IDH1: variants seen among roughly 807,000 people sequenced by gnomAD.
The protein encoded by IDH1 is isocitrate dehydrogenase (NADP(+)) 1.
A neutral mutation model predicts 46.1 loss-of-function variants in IDH1; 33 were observed. That is an observed-to-expected ratio of 0.72 (90% CI 0.54 to 0.96). The LOEUF (loss-of-function observed/expected upper bound fraction) is 0.96, where lower values mean the gene tolerates loss of function less well. Among genes scored for constraint, IDH1 ranks in the 40% least tolerant of loss-of-function variants. The pLI, the probability that IDH1 is intolerant of heterozygous loss-of-function variation, is 0.00. For missense variants in IDH1, 421 were observed against 515.7 expected, an observed-to-expected ratio of 0.82 and a Z score of 1.78; for synonymous variants, 144 against 172.8, an observed-to-expected ratio of 0.83 and a Z score of 1.31.
chr2:208,240,846 G>C (rs1687905008), intron 7 of IDH1, among the ~76,000 whole-genome samples: 1 of 152,160 alleles, frequency 6.6e-6, no homozygotes. Context: ...TGAGGATGTA[G>C]AGAAACAGAA....
intron 7 of IDH1, 41 bp downstream of exon 7, chr2:208,241,953 G>T: frequency 6.2e-7 from 1 of 1,605,796 alleles, no homozygotes; most frequent in South Asian, 1.1e-5. Flanking sequence ...GAACTACCCT[G>T]GAATGACCCT....
At chr2:208,254,286 T>G (rs1223252186) in intron 1 of IDH1, 1 of 152,936 alleles carries the variant, frequency 6.5e-6, no homozygotes, top group East Asian at 1.9e-4. Flanking sequence ...GATCGGTACC[T>G]CCTTCCAGGT....
intron 9 of IDH1, 104 bp downstream of exon 9, chr2:208,238,967 G>A: frequency 9.5e-7 from 1 of 1,053,328 alleles, no homozygotes. Context: ...TCCTGAACTA[G>A]ATGATGAATA....
chr2:208,245,261 ATAT>A lies in IDH1; in HGVS notation c.520+55_520+57del, dbSNP rs1296093126. ...ATAACTAACAAAAAAAGCAATAAAA[ATAT>A]TATCTAAATCATTTGTTTAAAAAAA... is the stretch of plus-strand genomic sequence containing the variant. On this transcript the variant is annotated intron_variant, in intron 5 of 9. Coordinates refer to ENST00000345146, the MANE Select transcript of IDH1 (RefSeq NM_005896.4). The A allele has an allele frequency of 1.2e-5, 11 of 895,130 alleles. No individual in the cohort carries two copies. The East Asian group carries it at 2.7e-4, about 22-fold the overall frequency. The allele number at this position is 895,130 out of a possible 1,614,324, so 55.4% of individuals were successfully genotyped here.
chr2:208,253,277 G>A (rs989734330), intron 2 of IDH1, among the ~76,000 whole-genome samples: 15 of 152,174 alleles, frequency 9.9e-5, no homozygotes, highest in Admixed American at 9.2e-4. Flanking sequence ...TACTTCAGAC[G>A]CTTCAGGTTT....
intron 2 of IDH1, among the ~76,000 whole-genome samples, chr2:208,253,449 C>T (rs1688158743): frequency 6.6e-6 from 1 of 152,216 alleles, no homozygotes; most frequent in African/African-American, 2.4e-5. Context: ...TTTGTTGCCC[C>T]TCAGATTTTG....
chr2:208,245,542 A>ACAT, intron 4 of IDH1, 118 bp from the exon 5 acceptor site: 1 of 390,392 alleles, frequency 2.6e-6, no homozygotes, highest in Non-Finnish European at 4.5e-6. Flanking sequence ...AGTATGTCAA[A>ACAT]CTTCTTTTTT....
chr2:208,245,543 C>CTTTTTT, intron 4 of IDH1, 119 bp from the exon 5 acceptor site: 2 of 310,834 alleles, frequency 6.4e-6, no homozygotes, highest in South Asian at 3.1e-5. Flanking sequence ...GTATGTCAAA[C>CTTTTTT]TTCTTTTTTT....
chr2:208,251,693 A>AAAT, intron 2 of IDH1, 126 bp from the exon 3 acceptor site: 2 of 719,908 alleles, frequency 2.8e-6, no homozygotes, highest in Non-Finnish European at 4.6e-6. Flanking sequence ...AATTCAATTT[A>AAAT]TGTGTAGTTG....
At chr2:208,251,636 A>T in intron 2 of IDH1, 69 bp from the exon 3 acceptor site, 4 of 1,267,702 alleles carry the variant, frequency 3.2e-6, no homozygotes, top group Non-Finnish European at 3.4e-6. Flanking sequence ...TAAACAACGT[A>T]GTGTTTATAT....
At chr2:208,252,162 A>C (rs1688137236) in intron 2 of IDH1, among the ~76,000 whole-genome samples, 1 of 152,250 alleles carries the variant, frequency 6.6e-6, no homozygotes, top group Non-Finnish European at 1.5e-5. Context: ...GGGAAACTTT[A>C]AGTCTAAAAG....
chr2:208,246,665 G>A (rs930276256), intron 4 of IDH1, among the ~76,000 whole-genome samples: 7 of 151,738 alleles, frequency 4.6e-5, no homozygotes, highest in Admixed American at 3.9e-4. Flanking sequence ...GGAAGGCCGG[G>A]CATGGTGGCA....
At position 208,237,045 on chromosome 2, in the gene IDH1, A is replaced by G; in HGVS notation, c.*34T>C. 1.6e-6 allele frequency: 2 copies of G among 1,231,316 alleles called. No individual in the cohort carries two copies. The highest frequency in any genetic ancestry group is 2.4e-6 in the Non-Finnish European group (2 of 839,550). The allele number at this position is 1,231,316 out of a possible 1,614,324, so 76.3% of individuals were successfully genotyped here. On this transcript the variant is annotated 3_prime_UTR_variant, in exon 10 of 10. Transcript: ENST00000345146. The stretch of plus-strand genomic sequence containing the variant: ...TGTAAACCTGTAGACCTAGTTACCA[A>G]AAGACAATTATCCTTCTTAGCTCAG...
At chr2:208,252,853 T>C (rs1276245899) in intron 2 of IDH1, among the ~76,000 whole-genome samples, 1 of 152,218 alleles carries the variant, frequency 6.6e-6, no homozygotes, top group South Asian at 2.1e-4. Flanking sequence ...GTTTAGGAGA[T>C]TCCTTTGGGG....
chr2:208,248,735 T>C (rs1350463207), intron 3 of IDH1, 75 bp from the exon 4 acceptor site: 1 of 1,349,536 alleles, frequency 7.4e-7, no homozygotes, highest in Non-Finnish European at 1.1e-6. Flanking sequence ...AGTGATGGCA[T>C]ATAGAGCTCA....
intron 4 of IDH1, 140 bp downstream of exon 4, chr2:208,248,229 C>G (rs1688058342): frequency 4.2e-6 from 3 of 713,428 alleles, no homozygotes; most frequent in African/African-American, 3.6e-5. Context: ...TACAGTTATA[C>G]ATATATGCAT....
intron 7 of IDH1, among the ~76,000 whole-genome samples, chr2:208,240,993 A>G (rs1479867770): frequency 2.0e-5 from 3 of 152,212 alleles, no homozygotes; most frequent in African/African-American, 7.2e-5. Context: ...CTTGGGAAAA[A>G]CAAACATAAT....
intron 4 of IDH1, among the ~76,000 whole-genome samples, chr2:208,247,223 G>A (rs1688039772): frequency 6.6e-6 from 1 of 152,178 alleles, no homozygotes; most frequent in Non-Finnish European, 1.5e-5. Flanking sequence ...TTCAGCATGA[G>A]AGATTCCTGT....
chr2:208,242,188 G>A (rs1446616782), intron 6 of IDH1, 43 bp from the exon 7 acceptor site: 1 of 1,577,792 alleles, frequency 6.3e-7, no homozygotes, highest in Non-Finnish European at 8.7e-7. Context: ...AAAGAAAATT[G>A]ATTTTGTTAG....
Sources: gnomAD v4.1 joint callset for allele counts (sites outside exome capture counted in the v4.1 genomes callset) on GRCh38, gnomAD v4.1.1 for gene constraint, MANE v1.5 for transcripts, NCBI Gene and HGNC (gene_info 2026-07-23, HGNC 2026-07-21) for gene names.